Variants in GALNT13 observed in about 807,000 individuals in gnomAD.
GALNT13 encodes the protein UDP-GalNAc:polypeptide N-acetylgalactosaminyltransferase 13.
A neutral mutation model predicts 64.2 loss-of-function variants in GALNT13; 28 were observed. That is an observed-to-expected ratio of 0.44 (90% CI 0.32 to 0.60). The LOEUF is 0.60. Ranked by LOEUF, GALNT13 falls within the 20% of genes least tolerant of loss-of-function variation. GALNT13 has a pLI of 0.05. For missense variants in GALNT13, 577 were observed against 669.8 expected, an observed-to-expected ratio of 0.86 and a Z score of 1.53; for synonymous variants, 214 against 224.6, an observed-to-expected ratio of 0.95 and a Z score of 0.42.
the GALNT13 span, among the ~76,000 whole-genome samples, chr2:153,863,421 G>A: frequency 8.5e-5 from 13 of 152,092 alleles, no homozygotes; most frequent in Non-Finnish European, 1.3e-4. Flanking sequence ...TAACCTATCT[G>A]TTGGATAAAA....
intron 2 of GALNT13, among the ~76,000 whole-genome samples, chr2:153,926,718 C>T (rs540078478): frequency 2.5e-4 from 38 of 152,170 alleles, no homozygotes; most frequent in African/African-American, 7.5e-4. Context: ...TATATTTGCA[C>T]GGTTTTCATG....
chr2:153,883,622 G>A (rs1401775265), intron 1 of GALNT13, among the ~76,000 whole-genome samples: 1 of 152,070 alleles, frequency 6.6e-6, no homozygotes, highest in Non-Finnish European at 1.5e-5. Flanking sequence ...AACAAATTGT[G>A]TTGTTTCAAC....
chr2:153,080,025 GT>G, the GALNT13 span, among the ~76,000 whole-genome samples: 1 of 152,058 alleles, frequency 6.6e-6, no homozygotes, highest in Non-Finnish European at 1.5e-5. Flanking sequence ...TTTAAACTAA[GT>G]TTTCAAATTT....
At chr2:153,113,520 A>G in the GALNT13 span, among the ~76,000 whole-genome samples, 1 of 152,060 alleles carries the variant, frequency 6.6e-6, no homozygotes, top group African/African-American at 2.4e-5. Context: ...TTAGGGAAGC[A>G]CATATGAAAT....
intron 9 of GALNT13, among the ~76,000 whole-genome samples, chr2:154,395,586 A>G (rs146854969): frequency 1.3e-5 from 2 of 152,290 alleles, no homozygotes; most frequent in East Asian, 3.9e-4. Context: ...ACAGGTGGTG[A>G]ATAAGTGACT....
chr2:154,350,760 C>CAT (rs1696350896), intron 9 of GALNT13, among the ~76,000 whole-genome samples: 1 of 152,124 alleles, frequency 6.6e-6, no homozygotes, highest in Admixed American at 6.6e-5. Flanking sequence ...CAGTAGCCCT[C>CAT]ATATGCTCAT....
the GALNT13 span, among the ~76,000 whole-genome samples, chr2:153,232,079 T>G: frequency 1.4e-4 from 22 of 152,230 alleles, no homozygotes; most frequent in Admixed American, 2.6e-4. Flanking sequence ...ACCTTTCTTT[T>G]CAAGTTGAGC....
chr2:153,151,986 T>G, the GALNT13 span, among the ~76,000 whole-genome samples: 1 of 151,858 alleles, frequency 6.6e-6, no homozygotes, highest in East Asian at 1.9e-4. Context: ...ATAATAATAA[T>G]AAAAAATTTA....
In GALNT13 at chr2:154,367,509, A is replaced by G. The variant is rs148935522; in HGVS notation, c.1157-28482A>G. 3.4e-3 allele frequency among the ~76,000 whole-genome samples: 516 copies of G among 152,288 alleles called. 4 individuals are homozygous for G. Among genetic ancestry groups the G allele is most frequent in the South Asian group, 0.022 (104 of 4,830 alleles). ...CAAATTGTGAGAGAACACAGTTTAC[A>G]TTCTGAAGCCCAAGAAGCATTGTTT... On this transcript the variant is annotated intron_variant, in intron 9 of 12. Coordinates refer to ENST00000392825, the MANE Select transcript of GALNT13 (RefSeq NM_052917.4).
chr2:154,311,638 C>T (rs1021504350), intron 9 of GALNT13, among the ~76,000 whole-genome samples: 8 of 152,112 alleles, frequency 5.3e-5, no homozygotes, highest in African/African-American at 1.9e-4. Context: ...GTTTTGAGAT[C>T]AACCAGTCTG....
At chr2:154,149,658 G>C (rs1413475071) in intron 4 of GALNT13, among the ~76,000 whole-genome samples, 1 of 152,072 alleles carries the variant, frequency 6.6e-6, no homozygotes, top group Non-Finnish European at 1.5e-5. Flanking sequence ...TTGTAAGTTG[G>C]ATTCCTAGGT....
chr2:153,823,551 T>C, the GALNT13 span, among the ~76,000 whole-genome samples: 72 of 152,268 alleles, frequency 4.7e-4, no homozygotes, highest in Non-Finnish European at 8.7e-4. Flanking sequence ...GATGCTGGGA[T>C]AACTGGCTAG....
At chr2:153,296,523 T>A in the GALNT13 span, among the ~76,000 whole-genome samples, 1 of 152,196 alleles carries the variant, frequency 6.6e-6, no homozygotes, top group Non-Finnish European at 1.5e-5. Flanking sequence ...AACAGCAGAT[T>A]TCTTATACTG....
At chr2:154,417,735 C>T (rs1165366114) in intron 11 of GALNT13, among the ~76,000 whole-genome samples, 1 of 151,850 alleles carries the variant, frequency 6.6e-6, no homozygotes, top group Non-Finnish European at 1.5e-5. Flanking sequence ...TGGTCTCGAA[C>T]TCCTGAACTC....
intron 1 of GALNT13, among the ~76,000 whole-genome samples, chr2:153,875,322 T>A (rs1459897026): frequency 6.6e-6 from 1 of 152,192 alleles, no homozygotes; most frequent in Non-Finnish European, 1.5e-5. Context: ...AATTTTTCTT[T>A]AAAAATATTA....
chr2:153,304,091 G>C, the GALNT13 span, among the ~76,000 whole-genome samples: 3 of 148,826 alleles, frequency 2.0e-5, no homozygotes, highest in Non-Finnish European at 4.5e-5. Flanking sequence ...TATATGGTTG[G>C]TAAGGTAGAC....
chr2:154,429,961 A>C (rs528647281), intron 11 of GALNT13, among the ~76,000 whole-genome samples: 3 of 152,298 alleles, frequency 2.0e-5, no homozygotes, highest in Non-Finnish European at 4.4e-5. Flanking sequence ...AAATATTTTA[A>C]GCCCACTGTT....
At chr2:153,503,492 G>A in the GALNT13 span, among the ~76,000 whole-genome samples, 1 of 152,038 alleles carries the variant, frequency 6.6e-6, no homozygotes, top group African/African-American at 2.4e-5. Context: ...CAAGGTTGGA[G>A]TGCAGTGGCA....
At chr2:153,259,090 T>C in the GALNT13 span, among the ~76,000 whole-genome samples, 1 of 152,224 alleles carries the variant, frequency 6.6e-6, no homozygotes, top group African/African-American at 2.4e-5. Context: ...ATATTTGCTT[T>C]ATATATCTGA....
Sources: gnomAD v4.1 joint callset for allele counts (sites outside exome capture counted in the v4.1 genomes callset) on GRCh38, gnomAD v4.1.1 for gene constraint, MANE v1.5 for transcripts, NCBI Gene and HGNC (gene_info 2026-07-23, HGNC 2026-07-21) for gene names.